CACNA1B: variants seen among roughly 807,000 people sequenced by gnomAD.
CACNA1B encodes calcium voltage-gated channel subunit alpha1 B.
CACNA1B carries 70 observed loss-of-function variants against 247.2 expected under a neutral mutation model. The ratio of observed to expected loss-of-function variants is 0.28; its 90% CI spans 0.23 to 0.35. The LOEUF (loss-of-function observed/expected upper bound fraction) is 0.35. CACNA1B is among the 10% of genes least tolerant of loss of function. CACNA1B has a pLI of 1.00. For synonymous variants in CACNA1B, 1,231 were observed against 1,294.4 expected (o/e 0.95, Z 1.05); for missense variants, 2,367 against 3,197.4 (o/e 0.74, Z 6.26).
intron 20 of CACNA1B, among the ~76,000 whole-genome samples, chr9:138,037,380 C>T (rs564046135): frequency 4.6e-5 from 7 of 152,284 alleles, no homozygotes; most frequent in South Asian, 2.1e-4. Context: ...GAATCCAGGC[C>T]GGGCTCAGTG....
intron 40 of CACNA1B, among the ~76,000 whole-genome samples, chr9:138,112,966 A>ACGGGGAGG (rs1961699999): frequency 8.0e-6 from 1 of 125,096 alleles, no homozygotes; most frequent in Non-Finnish European, 1.7e-5. Context: ...GTGAGGGAGC[A>ACGGGGAGG]TGGGGAGGTG....
intron 6 of CACNA1B, among the ~76,000 whole-genome samples, chr9:137,940,155 A>G (rs1161301240): frequency 6.6e-6 from 1 of 152,212 alleles, no homozygotes; most frequent in Non-Finnish European, 1.5e-5. Context: ...AAGGTAAATA[A>G]AATTGGTAGC....
Position 138,052,235 on chromosome 9 carries a change from C to T in CACNA1B, c.3807+47C>T, listed in dbSNP as rs200270948. 102 of 948,236 alleles carry T rather than the reference C, an allele frequency of 1.1e-4. No individual in the cohort carries two copies. Among genetic ancestry groups the T allele is most frequent in the African/African-American group, 1.4e-4 (8 of 56,002 alleles). 58.7% of individuals were successfully genotyped at this position (948,236 alleles called of 1,614,324 possible). On this transcript the variant is annotated intron_variant, in intron 25 of 46. Transcript: ENST00000371372. The surrounding 1 kb of genome is among the most constrained non-coding windows in gnomAD (Gnocchi z 5.1). Reference sequence around the variant, plus strand: ...TTGAGGGATGTGCTGTGTGTGTGTGCGTGTGTGTGTGTGCGTGTGTGTGTG... The same window carrying T: ...TTGAGGGATGTGCTGTGTGTGTGTGTGTGTGTGTGTGTGCGTGTGTGTGTG...
Position 138,120,652 on chromosome 9 carries a change from CG to C in CACNA1B, c.6264del (p.Leu2089CysfsTer80). ...CCAGCACCAAGCAGTGCTGTGGGGC[CG>C]GGGCTGCCCCCGGGAGAGGGGCCTA... ...MDGAPSSAVG[P>X]GLPPGEGPTG... On this transcript the variant is annotated frameshift_variant, in exon 46 of 47. Transcript: ENST00000371372. LOFTEE classifies it high-confidence loss of function. 2.0e-6 allele frequency: 3 copies of C among 1,504,110 alleles called. No homozygotes were observed. The highest frequency in any genetic ancestry group is 2.6e-6 in the Non-Finnish European group (3 of 1,132,498). 93.2% of individuals were successfully genotyped at this position (1,504,110 alleles called of 1,614,324 possible).
At chr9:138,047,175 A>G in intron 22 of CACNA1B, 142 bp downstream of exon 22, 1 of 843,836 alleles carries the variant, frequency 1.2e-6, no homozygotes, top group Non-Finnish European at 1.8e-6. Flanking sequence ...TGTGCCTGGC[A>G]GTGCACGACC....
At chr9:138,108,790 AG>A (rs1961526186) in intron 39 of CACNA1B, among the ~76,000 whole-genome samples, 1 of 152,118 alleles carries the variant, frequency 6.6e-6, no homozygotes, top group Non-Finnish European at 1.5e-5. Context: ...CTGGGACTAC[AG>A]GTGCACGCCA....
chr9:138,006,693 CAT>C lies in CACNA1B; in HGVS notation c.1975-73_1975-72del, dbSNP rs1307335617. 9 of 801,188 alleles carry C rather than the reference CAT, an allele frequency of 1.1e-5. No homozygotes were observed. In the Admixed American group the frequency reaches 1.2e-4, roughly 10 times the overall value. The allele number at this position is 801,188 out of a possible 1,614,324, so 49.6% of individuals were successfully genotyped here. On this transcript the variant is annotated intron_variant, in intron 15 of 46. Transcript: ENST00000371372. ...GTGGACGTGGCGGTGCACATGCACT[CAT>C]GTGGGTGGGGGTGCGTGTGTGTGGG...
chr9:137,893,304 T>C (rs987561171), intron 3 of CACNA1B, among the ~76,000 whole-genome samples: 11 of 139,964 alleles, frequency 7.9e-5, no homozygotes, highest in African/African-American at 2.9e-4. Context: ...TTAATAACAA[T>C]AATTTTATAA....
At chr9:138,055,649 C>T (rs900711696) in intron 26 of CACNA1B, among the ~76,000 whole-genome samples, 6 of 152,116 alleles carry the variant, frequency 3.9e-5, no homozygotes, top group Admixed American at 1.3e-4. Flanking sequence ...CGTTTTCTGA[C>T]GATAGATATC....
rs200700690 is a variant in CACNA1B at position 138,105,743 on chromosome 9, T to G, written c.5364T>G (p.Thr1788=). 1.0e-5 allele frequency: 16 copies of G among 1,567,544 alleles called. No homozygotes were observed. The South Asian group carries it at 1.5e-4, about 15-fold the overall frequency. ...TGCCCATCTCCAACGAGGACATGAC[T>G]GTTCACTTCACGTCCACGCTGATGG... ...MNMPISNEDM[T]VHFTSTLMAL... The change falls in exon 39 of 47, where the codon ACT becomes ACG. Residue 1788 remains threonine, a synonymous_variant. Coordinates refer to ENST00000371372, the MANE Select transcript of CACNA1B (RefSeq NM_000718.4).
intron 24 of CACNA1B, 48 bp downstream of exon 24, chr9:138,049,363 C>T (rs199512472): frequency 1.0e-5 from 12 of 1,192,268 alleles, no homozygotes; most frequent in Admixed American, 3.4e-5. Context: ...CCCAGAATCA[C>T]GATGGGCGTG....
In CACNA1B at chr9:138,058,240, A is replaced by C; in HGVS notation, c.4298A>C (p.Glu1433Ala). ...GDKVMSECSL[E>A]KNERACIDFA... ...AAGGTGATGTCTGAATGCAGCCTGG[A>C]GAAGAACGAGGTAGGTGGACGCTCT... is the stretch of plus-strand genomic sequence containing the variant. Residue 1433 changes from glutamate (E) to alanine (A), a missense_variant, in exon 28 of 47, where the codon GAG (glutamate) becomes GCG (alanine). Glu to Ala is a moderately radical substitution (Grantham distance 107, BLOSUM62 -1). Around this residue, in one of 12 missense-constraint regions of CACNA1B, gnomAD observed 436 missense variants for 679.5 expected, o/e 0.64. Coordinates refer to ENST00000371372, the MANE Select transcript of CACNA1B (RefSeq NM_000718.4). The surrounding 1 kb of genome is among the most constrained non-coding windows in gnomAD (Gnocchi z 4.7). 1 of 1,613,464 alleles carries C rather than the reference A, an allele frequency of 6.2e-7. No homozygotes were observed. Among genetic ancestry groups the C allele is most frequent in the South Asian group, 1.1e-5 (1 of 91,074 alleles).
chr9:137,889,375 G>T (rs1285227707), intron 3 of CACNA1B, among the ~76,000 whole-genome samples: 1 of 149,584 alleles, frequency 6.7e-6, no homozygotes, highest in African/African-American at 2.4e-5. Context: ...GCCTTTGTAG[G>T]CCCTGACCCT....
chr9:138,064,062 G>A (rs1373867888), intron 31 of CACNA1B, among the ~76,000 whole-genome samples: 1 of 152,122 alleles, frequency 6.6e-6, no homozygotes, highest in Non-Finnish European at 1.5e-5. Flanking sequence ...CCTGGGCCAG[G>A]GATTCATTGG....
rs1956911372 is a variant in CACNA1B, at chr9:137,881,080, C to T, written c.391-1664C>T. Among the ~76,000 whole-genome samples the T allele has an allele frequency of 6.6e-6, 1 of 152,236 alleles. No homozygotes were observed. Among genetic ancestry groups the T allele is most frequent in the Non-Finnish European group, 1.5e-5 (1 of 68,026 alleles). ...TCCCAGCTGAGGGTGCTGGCTGGTC[C>T]TTCCTAGGCGTCGGGCCTGTTCTCT... is the stretch of plus-strand genomic sequence containing the variant. On this transcript the variant is annotated intron_variant, in intron 2 of 46. Coordinates refer to ENST00000371372, the MANE Select transcript of CACNA1B (RefSeq NM_000718.4). This position sits in a 1 kb window ranked among gnomAD's most constrained non-coding sequence, Gnocchi z 4.3.
chr9:137,939,848 A>AAAT (rs1491552131), intron 6 of CACNA1B, among the ~76,000 whole-genome samples: 16 of 65,512 alleles, frequency 2.4e-4, no homozygotes, highest in African/African-American at 5.2e-4. Context: ...ATAAATAAAT[A>AAAT]AAAAAAAATA....
At chr9:137,910,649 A>G (rs1162839714) in intron 3 of CACNA1B, among the ~76,000 whole-genome samples, 16 of 152,210 alleles carry the variant, frequency 1.1e-4, no homozygotes. Flanking sequence ...TAAGATTCTC[A>G]TAAGGAGCGT....
chr9:137,971,660 C>T lies in CACNA1B; in HGVS notation c.1543+68C>T. On this transcript the variant is annotated intron_variant, in intron 11 of 46. Transcript: ENST00000371372. This position sits in a 1 kb window ranked among gnomAD's most constrained non-coding sequence, Gnocchi z 4.4. ...CTGCTCTCAGTCTGGAAACCCTGGT[C>T]CATGCCCTGGGGCTACCCCAGGTGG... 1 of 1,384,408 alleles carries T rather than the reference C, an allele frequency of 7.2e-7. No homozygotes were observed. Among genetic ancestry groups the T allele is most frequent in the Non-Finnish European group, 1.0e-6 (1 of 994,552 alleles). 85.8% of individuals were successfully genotyped at this position (1,384,408 alleles called of 1,614,324 possible). A position where few individuals can be genotyped will look rare whatever the true frequency, so the allele number is the denominator to read the frequency against.
At chr9:138,029,531 T>C (rs1238474279) in intron 20 of CACNA1B, among the ~76,000 whole-genome samples, 3 of 152,120 alleles carry the variant, frequency 2.0e-5, no homozygotes, top group African/African-American at 7.2e-5. Flanking sequence ...TGGCTTAAAG[T>C]TTTAAAAATT....
Sources: allele counts gnomAD v4.1 joint callset (sites outside exome capture counted in the v4.1 genomes callset), GRCh38; gene constraint gnomAD v4.1.1; regional missense constraint gnomAD v4.1.1; non-coding constraint Gnocchi (gnomAD v3.1); transcripts MANE v1.5; gene names NCBI Gene and HGNC (gene_info 2026-07-23, HGNC 2026-07-21).